The following SLC6A3 variants were observed in gnomAD, a reference collection of about 807,000 sequenced individuals.
SLC6A3 encodes the protein solute carrier family 6 member 3.
A neutral mutation model predicts 70.4 loss-of-function variants in SLC6A3; 19 were observed. That is an observed-to-expected ratio of 0.27 (90% confidence interval 0.19 to 0.40). The LOEUF (loss-of-function observed/expected upper bound fraction) is 0.40. Ranked by LOEUF, SLC6A3 falls within the 10% of genes least tolerant of loss-of-function variation. SLC6A3 has a pLI of 1.00. For synonymous variants in SLC6A3, 368 were observed against 356.6 expected (o/e 1.03, Z -0.36); for missense variants, 613 against 838.5 (o/e 0.73, Z 3.32).
At chr5:1,424,941 G>C (rs1467073383) in intron 4 of SLC6A3, among the ~76,000 whole-genome samples, 1 of 152,246 alleles carries the variant, frequency 6.6e-6, no homozygotes, top group Non-Finnish European at 1.5e-5. Flanking sequence ...AGGAGCAGGG[G>C]AAAGCTGTGC....
intron 3 of SLC6A3, among the ~76,000 whole-genome samples, chr5:1,435,741 C>T (rs887578917): frequency 1.4e-5 from 2 of 140,294 alleles, no homozygotes; most frequent in African/African-American, 2.6e-5. Flanking sequence ...GGCCAGTCCC[C>T]TCCTGGATGC....
chr5:1,433,034 AGACCCCCAGG>A (rs1182491911), intron 3 of SLC6A3, among the ~76,000 whole-genome samples: 1 of 151,958 alleles, frequency 6.6e-6, no homozygotes, highest in Non-Finnish European at 1.5e-5. Context: ...ATGCACCCAG[AGACCCCCAGG>A]GACACCAAGG....
intron 3 of SLC6A3, among the ~76,000 whole-genome samples, chr5:1,434,015 C>T (rs540264402): frequency 2.8e-4 from 42 of 152,382 alleles, no homozygotes; most frequent in Non-Finnish European, 4.4e-4. Context: ...CCATCCACAG[C>T]CACCCATGGC....
chr5:1,394,878 G>A lies in SLC6A3; in HGVS notation c.1840-120C>T, dbSNP rs1755677651. 9.1e-7 allele frequency: 1 copy of A among 1,098,226 alleles called. No homozygotes were observed. Among genetic ancestry groups the A allele is most frequent in the African/African-American group, 1.5e-5 (1 of 65,040 alleles). The allele number at this position is 1,098,226 out of a possible 1,614,324, so 68.0% of individuals were successfully genotyped here. A position where few individuals can be genotyped will look rare whatever the true frequency, so the allele number is the denominator to read the frequency against. ...ACAGTTTGCAGCCTCCTGGCCATGT[G>A]CCCTGGGAGAAGGGGAGGCTCACTG... is the stretch of plus-strand genomic sequence containing the variant. On this transcript the variant is annotated intron_variant, in intron 14 of 14. Transcript: ENST00000270349. The surrounding 1 kb of genome is among the most constrained non-coding windows in gnomAD (Gnocchi z 4.7).
At chr5:1,400,738 G>A (rs1000025503) in intron 14 of SLC6A3, among the ~76,000 whole-genome samples, 177 bp downstream of exon 14, 1 of 152,182 alleles carries the variant, frequency 6.6e-6, no homozygotes, top group African/African-American at 2.4e-5. Context: ...CCCGTCCCGG[G>A]CACACGTCTC....
chr5:1,400,570 C>CGG (rs968793548), intron 14 of SLC6A3, among the ~76,000 whole-genome samples: 5 of 152,134 alleles, frequency 3.3e-5, no homozygotes, highest in African/African-American at 1.2e-4. Flanking sequence ...CCCCGTGAGG[C>CGG]GGGGGGTGGT....
chr5:1,428,231 C>T (rs1167252220), intron 4 of SLC6A3, among the ~76,000 whole-genome samples: 1 of 152,108 alleles, frequency 6.6e-6, no homozygotes, highest in African/African-American at 2.4e-5. Flanking sequence ...AAACAACAAA[C>T]TTCTAAAAAT....
At chr5:1,422,364 AC>A (rs1756459325) in intron 4 of SLC6A3, among the ~76,000 whole-genome samples, 1 of 151,146 alleles carries the variant, frequency 6.6e-6, no homozygotes, top group Non-Finnish European at 1.5e-5. Context: ...CTGGGTGCCC[AC>A]CACTGCCCAG....
Position 1,401,029 on chromosome 5 carries a change from C to G in SLC6A3, c.1768-43G>C. 1 of 1,440,398 alleles carries G rather than the reference C, an allele frequency of 6.9e-7. No individual in the cohort carries two copies. The allele number at this position is 1,440,398 out of a possible 1,614,324, so 89.2% of individuals were successfully genotyped here. On this transcript the variant is annotated intron_variant, in intron 13 of 14. Coordinates refer to ENST00000270349, the MANE Select transcript of SLC6A3 (RefSeq NM_001044.5). The surrounding 1 kb of genome is among the most constrained non-coding windows in gnomAD (Gnocchi z 6.1). ...TGCAGGGGTCAGTGCAGACCAGTAC[C>G]CACTGCCAGCACCCACCACTGACTC... is the stretch of plus-strand genomic sequence containing the variant.
Position 1,402,066 on chromosome 5 carries a change from C to T in SLC6A3, c.1767+856G>A, listed in dbSNP as rs1314822666. 6.6e-6 allele frequency among the ~76,000 whole-genome samples: 1 copy of T among 152,210 alleles called. No individual in the cohort carries two copies. The highest frequency in any genetic ancestry group is 1.5e-5 in the Non-Finnish European group (1 of 68,040). ...AGAGCATCTGCCACATGTCTGAGCC[C>T]AGGGGACACCGTGTGGCCCTAAGGT... On this transcript the variant is annotated intron_variant, in intron 13 of 14. Transcript: ENST00000270349. This position sits in a 1 kb window ranked among gnomAD's most constrained non-coding sequence, Gnocchi z 8.5.
intron 14 of SLC6A3, among the ~76,000 whole-genome samples, chr5:1,395,498 C>A (rs1755695328): frequency 6.6e-6 from 1 of 152,248 alleles, no homozygotes; most frequent in Admixed American, 6.5e-5. Flanking sequence ...ACTGGCCACA[C>A]CACAGGCTCC....
chr5:1,400,250 C>T (rs28363156), intron 14 of SLC6A3, among the ~76,000 whole-genome samples: 3,292 of 152,252 alleles, frequency 0.022, 115 homozygotes, highest in African/African-American at 0.075. Context: ...ATCTTGGGCA[C>T]ATTCCGGGGC....
At chr5:1,422,284 G>A (rs980580847) in intron 4 of SLC6A3, among the ~76,000 whole-genome samples, 5 of 152,242 alleles carry the variant, frequency 3.3e-5, no homozygotes, top group Non-Finnish European at 7.3e-5. Flanking sequence ...TGGAGCTGCG[G>A]AGGCGGAGGG....
chr5:1,406,119 C>G lies in SLC6A3; in HGVS notation c.1599+69G>C, dbSNP rs1755972962. 1.0e-5 allele frequency: 12 copies of G among 1,183,320 alleles called. No individual in the cohort carries two copies. The highest frequency in any genetic ancestry group is 1.5e-5 in the Non-Finnish European group (12 of 788,272). The allele number at this position is 1,183,320 out of a possible 1,614,324, so 73.3% of individuals were successfully genotyped here. On this transcript the variant is annotated intron_variant, in intron 12 of 14. Transcript: ENST00000270349. The surrounding 1 kb of genome is among the most constrained non-coding windows in gnomAD (Gnocchi z 8.8). ...GACAACCCACATGCGGGCGCTGGAC[C>G]TCGGGGCAGGTGCCAGAGTGGGGGC...
rs550487587 is a variant in SLC6A3 at position 1,405,831 on chromosome 5, C to T, written c.1599+357G>A. Among the ~76,000 whole-genome samples, 12 of 151,290 alleles carry T rather than the reference C, an allele frequency of 7.9e-5. No homozygotes were observed. Among genetic ancestry groups the T allele is most frequent in the Admixed American group, 1.3e-4 (2 of 15,298 alleles). ...TCGGCATCCTTTGTCCCCACTGCCC[C>T]GGAAGCTCTAACTTCGACCTTGATC... On this transcript the variant is annotated intron_variant, in intron 12 of 14. Coordinates refer to ENST00000270349, the MANE Select transcript of SLC6A3 (RefSeq NM_001044.5). This position sits in a 1 kb window ranked among gnomAD's most constrained non-coding sequence, Gnocchi z 5.3.
intron 7 of SLC6A3, among the ~76,000 whole-genome samples, chr5:1,415,811 C>G (rs958583480): frequency 4.6e-5 from 7 of 152,146 alleles, no homozygotes; most frequent in African/African-American, 1.7e-4. Flanking sequence ...AGGGGCTGGC[C>G]TTGCCACTTG....
chr5:1,444,268 G>A (rs1214397490), intron 1 of SLC6A3, among the ~76,000 whole-genome samples: 2 of 152,154 alleles, frequency 1.3e-5, no homozygotes, highest in Non-Finnish European at 2.9e-5. Context: ...ACGCTGAGCA[G>A]GAGAGCAGGA....
At chr5:1,429,927 A>G (rs978575313) in intron 4 of SLC6A3, among the ~76,000 whole-genome samples, 1 of 152,234 alleles carries the variant, frequency 6.6e-6, no homozygotes, top group East Asian at 1.9e-4. Flanking sequence ...TTCTCCCTCG[A>G]GAATGTTAAA....
rs994445255 is a variant in SLC6A3, at chr5:1,413,450, G to T, written c.1156+1241C>A. Among the ~76,000 whole-genome samples, 1 of 152,188 alleles carries T rather than the reference G, an allele frequency of 6.6e-6. No individual in the cohort carries two copies. The highest frequency in any genetic ancestry group is 1.5e-5 in the Non-Finnish European group (1 of 68,038). ...TAGTGCCCCACTCTGTGAGACTCAG[G>T]TGCGGTCAAGGCTGCCCCCGCTTGG... On this transcript the variant is annotated intron_variant, in intron 8 of 14. Coordinates refer to ENST00000270349, the MANE Select transcript of SLC6A3 (RefSeq NM_001044.5). This position sits in a 1 kb window ranked among gnomAD's most constrained non-coding sequence, Gnocchi z 7.1.
Sources: allele counts gnomAD v4.1 joint callset (sites outside exome capture counted in the v4.1 genomes callset), GRCh38; gene constraint gnomAD v4.1.1; non-coding constraint Gnocchi (gnomAD v3.1); transcripts MANE v1.5; gene names NCBI Gene and HGNC (gene_info 2026-07-23, HGNC 2026-07-21).